The following P4HA3 variants were observed in gnomAD, a reference collection of about 807,000 sequenced individuals.
P4HA3 encodes prolyl 4-hydroxylase subunit alpha 3.
In P4HA3, 60 loss-of-function variants were observed where a neutral mutation model predicts 66.7. The ratio of observed to expected loss-of-function variants is 0.90; its 90% confidence interval spans 0.73 to 1.12. The LOEUF (loss-of-function observed/expected upper bound fraction) is 1.12. Ranked by LOEUF, P4HA3 falls within the 50% of genes most tolerant of loss-of-function variation. The pLI, the probability that P4HA3 is intolerant of heterozygous loss-of-function variation, is 0.00. For synonymous variants in P4HA3, 263 were observed against 274.6 expected (o/e 0.96, Z 0.42); for missense variants, 683 against 685.8 (o/e 1.00, Z 0.05).
chr11:74,282,877 T>C (rs1365880467), intron 7 of P4HA3, among the ~76,000 whole-genome samples: 2 of 151,534 alleles, frequency 1.3e-5, no homozygotes. Flanking sequence ...TAATTGTATA[T>C]GGCTCCAAAA....
chr11:74,273,509 T>C, intron 10 of P4HA3, 36 bp downstream of exon 10: 1 of 1,424,336 alleles, frequency 7.0e-7, no homozygotes, highest in African/African-American at 1.5e-5. Context: ...AGAGCTATAG[T>C]CAGTCATGAA....
chr11:74,273,979 A>G (rs1046812089), intron 9 of P4HA3, among the ~76,000 whole-genome samples: 1 of 152,158 alleles, frequency 6.6e-6, no homozygotes, highest in East Asian at 1.9e-4. Context: ...CAGAGTTCCA[A>G]TTACTTGCTG....
chr11:74,282,325 T>C (rs1307104598), intron 7 of P4HA3, among the ~76,000 whole-genome samples: 5 of 152,158 alleles, frequency 3.3e-5, no homozygotes, highest in Admixed American at 6.5e-5. Context: ...ATCCAGACAA[T>C]GTCCCTGCCC....
chr11:74,301,039 G>A (rs1171730889), intron 3 of P4HA3, among the ~76,000 whole-genome samples: 1 of 152,176 alleles, frequency 6.6e-6, no homozygotes, highest in African/African-American at 2.4e-5. Flanking sequence ...CATACTATAT[G>A]GTTCAGGATC....
At chr11:74,290,667 A>G (rs1461796765) in intron 4 of P4HA3, among the ~76,000 whole-genome samples, 3 of 152,170 alleles carry the variant, frequency 2.0e-5, no homozygotes, top group Non-Finnish European at 2.9e-5. Context: ...ACATATGGCT[A>G]GCCAGTTTTC....
At chr11:74,264,856 G>A (rs1436151333), downstream of P4HA3, among the ~76,000 whole-genome samples, 1 of 152,178 alleles carries the variant, frequency 6.6e-6, no homozygotes, top group African/African-American at 2.4e-5. Flanking sequence ...CTGAGCCCAG[G>A]GCCTGCGCCT....
At chr11:74,250,906 G>T in intron 15 of P4HA3, 2 of 1,491,898 alleles carry the variant, frequency 1.3e-6, no homozygotes, top group South Asian at 2.4e-5. Flanking sequence ...CTGCATAAGA[G>T]AGGGCTCTTT....
intron 2 of P4HA3, among the ~76,000 whole-genome samples, chr11:74,303,202 A>G (rs1431434640): frequency 6.6e-6 from 1 of 151,656 alleles, no homozygotes; most frequent in African/African-American, 2.4e-5. Context: ...TGATCCTTCC[A>G]ACTCAAGCTC....
chr11:74,285,876 A>G lies in P4HA3; in HGVS notation c.1043T>C (p.Ile348Thr), dbSNP rs773042108. The G allele has an allele frequency of 1.2e-6, 2 of 1,614,078 alleles. No individual in the cohort carries two copies. The highest frequency in any genetic ancestry group is 2.2e-5 in the East Asian group (1 of 44,886). The change falls in exon 7 of 13, where the codon ATT becomes ACT. Residue 348 changes from isoleucine to threonine, a missense_variant. Ile to Thr is a moderately conservative substitution (Grantham distance 89, BLOSUM62 -1). Transcript: ENST00000331597. ...RKEVIHLEPY[I>T]ALYHDFVSDS... ...ACTGACGAAGTCATGGTAGAGAGCA[A>G]TGTAGGGCTCCAGGTGGATGACCTC... is the stretch of plus-strand genomic sequence containing the variant.
intron 7 of P4HA3, 49 bp downstream of exon 7, chr11:74,285,760 G>C: frequency 6.4e-7 from 1 of 1,573,208 alleles, no homozygotes; most frequent in East Asian, 2.2e-5. Context: ...TGAACTCCAG[G>C]CATGTGAAGA....
chr11:74,291,299 T>A (rs1387938258), intron 4 of P4HA3, among the ~76,000 whole-genome samples: 2 of 152,214 alleles, frequency 1.3e-5, no homozygotes, highest in South Asian at 4.1e-4. Flanking sequence ...TGATTTTGTA[T>A]CCTGAGACTT....
intron 14 of P4HA3, among the ~76,000 whole-genome samples, chr11:74,261,599 G>T (rs1421349041): frequency 6.6e-6 from 1 of 152,090 alleles, no homozygotes; most frequent in Admixed American, 6.5e-5. Flanking sequence ...CTAGTATTTT[G>T]CTGGGATTGT....
Position 74,266,964 on chromosome 11 carries a change from C to A in P4HA3, c.*284G>T. 1.4e-6 allele frequency: 2 copies of A among 1,416,100 alleles called. No homozygotes were observed. The highest frequency in any genetic ancestry group is 1.9e-4 in the Middle Eastern group (1 of 5,346). The allele number at this position is 1,416,100 out of a possible 1,614,324, so 87.7% of individuals were successfully genotyped here. ...GACTGTTGAGATGTCCTGTTCCCAACAGAGAGTATCTGAACTCCAGAAACT... is the reference window on the plus strand; with the variant it reads ...GACTGTTGAGATGTCCTGTTCCCAAAAGAGAGTATCTGAACTCCAGAAACT... On this transcript the variant is annotated 3_prime_UTR_variant, in exon 13 of 13. Transcript: ENST00000331597.
chr11:74,291,422 T>C (rs896653435), intron 4 of P4HA3, among the ~76,000 whole-genome samples: 1 of 152,178 alleles, frequency 6.6e-6, no homozygotes, highest in Non-Finnish European at 1.5e-5. Flanking sequence ...CTTTTCCTAA[T>C]TGAATACCCT....
At chr11:74,295,447 T>G (rs1861184121) in intron 4 of P4HA3, among the ~76,000 whole-genome samples, 1 of 152,226 alleles carries the variant, frequency 6.6e-6, no homozygotes, top group African/African-American at 2.4e-5. Context: ...GATAGAAATG[T>G]ATTTCATTCC....
intron 1 of P4HA3, among the ~76,000 whole-genome samples, chr11:74,305,618 G>C (rs1591139721): frequency 1.3e-5 from 2 of 151,312 alleles, no homozygotes; most frequent in Middle Eastern, 6.8e-3. Flanking sequence ...AGGCACAGAG[G>C]CTTGAGATAT....
At position 74,300,906 on chromosome 11, in the gene P4HA3, T is replaced by C. The variant is rs144381553; in HGVS notation, c.567+1463A>G. On this transcript the variant is annotated intron_variant, in intron 3 of 12. Coordinates refer to ENST00000331597, the MANE Select transcript of P4HA3 (RefSeq NM_182904.5). Reference sequence around the variant, plus strand: ...AGGAGACTGGATCAACAGTTTGTGGTATATTCTTAGAATGGAATACTACTC... The same window carrying C: ...AGGAGACTGGATCAACAGTTTGTGGCATATTCTTAGAATGGAATACTACTC... Among the ~76,000 whole-genome samples the C allele has an allele frequency of 5.9e-5, 9 of 152,326 alleles. No homozygotes were observed. The East Asian group carries it at 1.7e-3, about 29-fold the overall frequency.
At chr11:74,263,257 C>A (rs529044641), downstream of P4HA3, among the ~76,000 whole-genome samples, 196 of 152,358 alleles carry the variant, frequency 1.3e-3, 2 homozygotes, top group Non-Finnish European at 1.3e-3. Flanking sequence ...GACAAGTGTT[C>A]ACCGTTCATT....
chr11:74,309,729 T>C (rs145375261), intron 1 of P4HA3, among the ~76,000 whole-genome samples: 3 of 152,320 alleles, frequency 2.0e-5, no homozygotes, highest in Non-Finnish European at 4.4e-5. Flanking sequence ...TGAAATGATC[T>C]TCATTTATTG....
Sources: allele counts gnomAD v4.1 joint callset (sites outside exome capture counted in the v4.1 genomes callset), GRCh38; gene constraint gnomAD v4.1.1; transcripts MANE v1.5; gene names NCBI Gene and HGNC (gene_info 2026-07-23, HGNC 2026-07-21).